CSMD1: variants seen among roughly 807,000 people sequenced by gnomAD.
CSMD1 encodes the protein CUB and Sushi multiple domains 1, also known as CUB and sushi domain-containing protein 1.
Under a neutral mutation model 417.5 loss-of-function variants are expected in CSMD1, and 213 were observed. That is an observed-to-expected ratio of 0.51 (90% CI 0.46 to 0.57). The LOEUF is 0.57. Among genes scored for constraint, CSMD1 ranks in the 20% least tolerant of loss-of-function variants. The pLI, the probability that CSMD1 is intolerant of heterozygous loss-of-function variation, is 0.00. For synonymous variants in CSMD1, 2,862 were observed against 1,736.8 expected, an observed-to-expected ratio of 1.65 and a Z score of -16.11; for missense variants, 6,923 against 4,529.7, an observed-to-expected ratio of 1.53 and a Z score of -15.17.
At chr8:3,511,767 C>CATAAT (rs1797079658) in intron 10 of CSMD1, among the ~76,000 whole-genome samples, 1 of 13,676 alleles carries the variant, frequency 7.3e-5, no homozygotes, top group Admixed American at 6.8e-4. Flanking sequence ...AAAAAAATAA[C>CATAAT]ATAACATAAC....
intron 5 of CSMD1, among the ~76,000 whole-genome samples, chr8:3,905,009 A>G (rs1303226944): frequency 2.0e-5 from 3 of 151,534 alleles, no homozygotes; most frequent in African/African-American, 7.3e-5. Flanking sequence ...AATATAGAAT[A>G]CTCTTCAGCT....
intron 5 of CSMD1, among the ~76,000 whole-genome samples, chr8:3,766,266 C>A (rs1563057633): frequency 6.6e-6 from 1 of 152,188 alleles, no homozygotes; most frequent in Non-Finnish European, 1.5e-5. Context: ...GAAATCTCCT[C>A]ACAGGCCTTT....
chr8:4,733,468 A>G (rs568634958), intron 1 of CSMD1, among the ~76,000 whole-genome samples: 11 of 152,310 alleles, frequency 7.2e-5, no homozygotes, highest in African/African-American at 1.7e-4. Context: ...AATGTCTACT[A>G]AAATCTATTA....
intron 1 of CSMD1, among the ~76,000 whole-genome samples, chr8:4,684,195 A>G (rs2116728382): frequency 6.6e-6 from 1 of 152,358 alleles, no homozygotes; most frequent in East Asian, 1.9e-4. Context: ...TTATTTATGA[A>G]TAAGGACACG....
In CSMD1 at chr8:4,966,445, G is replaced by A. The variant is rs539710890; in HGVS notation, c.85+27887C>T. Among the ~76,000 whole-genome samples the A allele has an allele frequency of 6.6e-5, 10 of 152,224 alleles. No individual in the cohort carries two copies. In the East Asian group the frequency reaches 1.7e-3, roughly 26 times the overall value. On this transcript the variant is annotated intron_variant, in intron 1 of 69. Coordinates refer to ENST00000635120, the MANE Select transcript of CSMD1 (RefSeq NM_033225.6). ...CCCGGTATTTGGAACACATTTCCTT[G>A]TTAGGCTAATATCAACCATCACTTC...
intron 5 of CSMD1, among the ~76,000 whole-genome samples, chr8:3,798,372 A>G (rs948813584): frequency 6.6e-6 from 1 of 152,002 alleles, no homozygotes; most frequent in African/African-American, 2.4e-5. Flanking sequence ...ATTAGCCTCT[A>G]GTTTTTTAAT....
intron 5 of CSMD1, among the ~76,000 whole-genome samples, chr8:3,926,053 T>TACACAC (rs35557551): frequency 1.1e-5 from 1 of 87,820 alleles, no homozygotes; most frequent in Non-Finnish European, 2.5e-5. Flanking sequence ...AAACACCATA[T>TACACAC]ACACACACAC....
intron 1 of CSMD1, among the ~76,000 whole-genome samples, chr8:4,869,996 T>C (rs1314822575): frequency 6.6e-6 from 1 of 152,158 alleles, no homozygotes; most frequent in African/African-American, 2.4e-5. Flanking sequence ...AAATAATGCA[T>C]AACACATGTC....
chr8:4,627,185 T>G (rs1198872993), intron 2 of CSMD1, among the ~76,000 whole-genome samples: 1 of 152,164 alleles, frequency 6.6e-6, no homozygotes. Context: ...AATGTTTAGC[T>G]ACTCTTAGAG....
In CSMD1 at chr8:4,289,838, C is replaced by T. The variant is rs559143998; in HGVS notation, c.415+130115G>A. On this transcript the variant is annotated intron_variant, in intron 3 of 69. Transcript: ENST00000635120. ...GTTCACAAACTAATCTAATGTCTGGCTCAGAGTAGATATTCAAAGTGTATT... is the reference window on the plus strand; with the variant it reads ...GTTCACAAACTAATCTAATGTCTGGTTCAGAGTAGATATTCAAAGTGTATT... 5.3e-5 allele frequency among the ~76,000 whole-genome samples: 8 copies of T among 152,106 alleles called. No homozygotes were observed. In the South Asian group the frequency reaches 8.3e-4, roughly 16 times the overall value.
At chr8:4,820,717 A>G (rs1441287861) in intron 1 of CSMD1, among the ~76,000 whole-genome samples, 1 of 152,180 alleles carries the variant, frequency 6.6e-6, no homozygotes, top group African/African-American at 2.4e-5. Context: ...TAGCTCATGG[A>G]CTAATAAGGA....
chr8:3,286,806 G>A (rs971462233), intron 25 of CSMD1, among the ~76,000 whole-genome samples: 3 of 152,088 alleles, frequency 2.0e-5, no homozygotes, highest in African/African-American at 4.8e-5. Context: ...TTCTTGTGCT[G>A]TGCAGAAGCT....
chr8:3,476,103 G>A (rs4554492), intron 11 of CSMD1, among the ~76,000 whole-genome samples: 29,375 of 152,160 alleles, frequency 0.19, 3,613 homozygotes, highest in Non-Finnish European at 0.27. Context: ...AGCACTTTCG[G>A]AGGCTGAGGT....
At chr8:3,731,120 A>G (rs575116486) in intron 6 of CSMD1, among the ~76,000 whole-genome samples, 1 of 152,326 alleles carries the variant, frequency 6.6e-6, no homozygotes, top group Non-Finnish European at 1.5e-5. Flanking sequence ...ACCCCAGAAC[A>G]TAAATCTATA....
intron 30 of CSMD1, among the ~76,000 whole-genome samples, chr8:3,211,945 G>C (rs544548407): frequency 2.6e-5 from 4 of 152,308 alleles, no homozygotes; most frequent in Admixed American, 2.6e-4. Flanking sequence ...GCCCACCCTG[G>C]GCCAGGACAG....
At chr8:3,191,825 T>C (rs1321371553) in intron 33 of CSMD1, among the ~76,000 whole-genome samples, 1 of 152,230 alleles carries the variant, frequency 6.6e-6, no homozygotes, top group Non-Finnish European at 1.5e-5. Context: ...TTTTGTCCTC[T>C]GCAGTGAAAA....
intron 5 of CSMD1, among the ~76,000 whole-genome samples, chr8:3,893,580 G>A (rs145719754): frequency 1.3e-5 from 2 of 151,888 alleles, no homozygotes; most frequent in Non-Finnish European, 2.9e-5. Flanking sequence ...CTCTGCACCT[G>A]TCTAGCTCCA....
At chr8:3,225,445 C>A (rs112197818) in intron 27 of CSMD1, among the ~76,000 whole-genome samples, 129 of 151,248 alleles carry the variant, frequency 8.5e-4, no homozygotes, top group African/African-American at 3.1e-3. Flanking sequence ...CCCAACAGCT[C>A]TCACAGGGCA....
chr8:3,480,367 A>G (rs1351542021), intron 11 of CSMD1, among the ~76,000 whole-genome samples: 4 of 152,226 alleles, frequency 2.6e-5, no homozygotes, highest in Non-Finnish European at 4.4e-5. Context: ...CTCTGTCTCA[A>G]AAATAAAAAA....
Sources: gnomAD v4.1 joint callset for allele counts (sites outside exome capture counted in the v4.1 genomes callset) on GRCh38, gnomAD v4.1.1 for gene constraint, MANE v1.5 for transcripts, NCBI Gene and HGNC (gene_info 2026-07-23, HGNC 2026-07-21) for gene names.